The following DLG2 variants were observed in gnomAD, a reference collection of about 807,000 sequenced individuals.
DLG2 encodes discs large MAGUK scaffold protein 2.
In DLG2, 45 loss-of-function variants were observed where a neutral mutation model predicts 132.5. The ratio of observed to expected loss-of-function variants is 0.34; its 90% CI spans 0.27 to 0.44. The LOEUF (loss-of-function observed/expected upper bound fraction) is 0.44. Ranked by LOEUF, DLG2 falls within the 20% of genes least tolerant of loss-of-function variation. DLG2 has a pLI of 1.00. For missense variants in DLG2, 1,045 were observed against 1,196.9 expected (o/e 0.87, Z 1.87); for synonymous variants, 424 against 419.6 (o/e 1.01, Z -0.13).
intron 9 of DLG2, among the ~76,000 whole-genome samples, chr11:84,131,967 T>A (rs1309018250): frequency 4.0e-5 from 6 of 151,860 alleles, no homozygotes; most frequent in Admixed American, 3.9e-4. Context: ...TGTCATAAAC[T>A]ACAAAACGTT....
chr11:83,730,346 A>G (rs1238256684), intron 18 of DLG2, among the ~76,000 whole-genome samples: 3 of 152,118 alleles, frequency 2.0e-5, no homozygotes, highest in African/African-American at 7.2e-5. Context: ...AAAATTTATA[A>G]TACAATATTT....
At chr11:84,882,574 G>T (rs1377340098) in intron 6 of DLG2, among the ~76,000 whole-genome samples, 1 of 151,996 alleles carries the variant, frequency 6.6e-6, no homozygotes, top group Admixed American at 6.6e-5. Context: ...GGAGATAAGA[G>T]AAATATCTAC....
chr11:84,364,397 A>G (rs1334786536), intron 7 of DLG2, among the ~76,000 whole-genome samples: 15 of 152,110 alleles, frequency 9.9e-5, no homozygotes, highest in African/African-American at 3.4e-4. Flanking sequence ...TTATCAGCTT[A>G]AGGAGATTTT....
chr11:84,443,941 GT>G (rs1211473968), intron 7 of DLG2, among the ~76,000 whole-genome samples: 2 of 149,404 alleles, frequency 1.3e-5, no homozygotes, highest in East Asian at 3.9e-4. Context: ...TCTCTTCTAA[GT>G]TTATAAATAT....
At chr11:84,978,315 G>A (rs1245613785) in intron 6 of DLG2, among the ~76,000 whole-genome samples, 1 of 152,040 alleles carries the variant, frequency 6.6e-6, no homozygotes, top group Non-Finnish European at 1.5e-5. Flanking sequence ...CTATTTTAAA[G>A]TTCATATGGA....
At chr11:84,371,487 A>T (rs948740352) in intron 7 of DLG2, among the ~76,000 whole-genome samples, 1 of 152,010 alleles carries the variant, frequency 6.6e-6, no homozygotes, top group African/African-American at 2.4e-5. Flanking sequence ...GGCTCAAAAG[A>T]TCTACTCACT....
intron 8 of DLG2, among the ~76,000 whole-genome samples, chr11:84,241,752 T>C (rs2097229594): frequency 6.6e-6 from 1 of 152,236 alleles, no homozygotes; most frequent in Admixed American, 6.5e-5. Context: ...CTGCTTAAGG[T>C]CTCCCACTAG....
intron 3 of DLG2, among the ~76,000 whole-genome samples, chr11:85,358,711 G>A (rs573557807): frequency 6.6e-6 from 1 of 152,266 alleles, no homozygotes; most frequent in African/African-American, 2.4e-5. Flanking sequence ...ACCAAACACT[G>A]AATCTTAAAT....
At chr11:83,824,045 T>A (rs1594961965) in intron 17 of DLG2, among the ~76,000 whole-genome samples, 1 of 152,316 alleles carries the variant, frequency 6.6e-6, no homozygotes, top group Middle Eastern at 3.4e-3. Context: ...ATCTGTGTGA[T>A]CTTGGACAAA....
Position 85,598,726 on chromosome 11 carries a change from G to T in DLG2, c.-30C>A. On this transcript the variant is annotated 5_prime_UTR_variant, in exon 3 of 28. Transcript: ENST00000376104. Reference sequence around the variant, plus strand: ...TTTTTAACCGCATTTTTCAACAGCTGCTCCTCTGGTTTCCTTAATTTTTTG... The same window carrying T: ...TTTTTAACCGCATTTTTCAACAGCTTCTCCTCTGGTTTCCTTAATTTTTTG... 2 of 1,572,212 alleles carry T rather than the reference G, an allele frequency of 1.3e-6. No homozygotes were observed. The highest frequency in any genetic ancestry group is 1.2e-5 in the South Asian group (1 of 83,634).
intron 7 of DLG2, among the ~76,000 whole-genome samples, chr11:84,280,864 C>A (rs1441545532): frequency 8.8e-6 from 1 of 113,480 alleles, no homozygotes; most frequent in Non-Finnish European, 1.8e-5. Context: ...CCATGCCCAG[C>A]CAATTTTTTT....
chr11:84,794,895 G>A (rs796760079), intron 6 of DLG2, among the ~76,000 whole-genome samples: 3 of 152,176 alleles, frequency 2.0e-5, no homozygotes, highest in Non-Finnish European at 2.9e-5. Flanking sequence ...TGCAGGCACC[G>A]CTTGGCATGA....
chr11:84,982,235 C>G (rs1025552153), intron 6 of DLG2, among the ~76,000 whole-genome samples: 5 of 152,022 alleles, frequency 3.3e-5, no homozygotes, highest in African/African-American at 1.2e-4. Context: ...ACATAGTCCC[C>G]TTCTCTGAGT....
At chr11:83,819,052 T>A (rs1336474757) in intron 17 of DLG2, among the ~76,000 whole-genome samples, 1 of 152,032 alleles carries the variant, frequency 6.6e-6, no homozygotes, top group Non-Finnish European at 1.5e-5. Flanking sequence ...ACAGTGTGAT[T>A]TTTTCTGATG....
intron 18 of DLG2, among the ~76,000 whole-genome samples, chr11:83,760,566 G>C (rs918694522): frequency 6.6e-6 from 1 of 151,742 alleles, no homozygotes; most frequent in Non-Finnish European, 1.5e-5. Flanking sequence ...ATGTTGACCA[G>C]GCTGGTCTCA....
intron 19 of DLG2, among the ~76,000 whole-genome samples, chr11:83,564,865 C>T (rs182972991): frequency 8.4e-4 from 127 of 151,610 alleles, no homozygotes; most frequent in African/African-American, 2.9e-3. Flanking sequence ...TTTTTTTCTG[C>T]ACTGATTGGA....
chr11:83,966,790 TAATAC>T (rs1462664354), intron 12 of DLG2, among the ~76,000 whole-genome samples: 1 of 152,052 alleles, frequency 6.6e-6, no homozygotes, highest in East Asian at 1.9e-4. Flanking sequence ...ATTCCTAATA[TAATAC>T]AATTTTATTA....
chr11:83,823,255 C>T (rs1435679962), intron 17 of DLG2, among the ~76,000 whole-genome samples: 1 of 152,100 alleles, frequency 6.6e-6, no homozygotes, highest in African/African-American at 2.4e-5. Flanking sequence ...TGCACGATTT[C>T]CCCTTTATCT....
At chr11:84,737,363 T>C (rs970805442) in intron 6 of DLG2, among the ~76,000 whole-genome samples, 5 of 152,000 alleles carry the variant, frequency 3.3e-5, no homozygotes, top group Non-Finnish European at 5.9e-5. Context: ...AGGCCTCATG[T>C]AGTGAGTTGG....
Sources: gnomAD v4.1 joint callset for allele counts (sites outside exome capture counted in the v4.1 genomes callset) on GRCh38, gnomAD v4.1.1 for gene constraint, MANE v1.5 for transcripts, NCBI Gene and HGNC (gene_info 2026-07-23, HGNC 2026-07-21) for gene names.